MAP3K2: variants seen among roughly 807,000 people sequenced by gnomAD.
MAP3K2 encodes the protein MAP/ERK kinase kinase 2.
MAP3K2 carries 24 observed loss-of-function variants against 80.3 expected under a neutral mutation model. The ratio of observed to expected loss-of-function variants is 0.30; its 90% CI spans 0.22 to 0.42. The LOEUF (loss-of-function observed/expected upper bound fraction) is 0.42, where lower values mean the gene tolerates loss of function less well. MAP3K2 is among the 10% of genes least tolerant of loss of function. The pLI is 1.00. For missense variants in MAP3K2, 608 were observed against 750.1 expected (o/e 0.81, Z 2.21); for synonymous variants, 244 against 253.7 (o/e 0.96, Z 0.36).
chr2:127,339,334 T>A lies in MAP3K2; in HGVS notation c.5-284A>T, dbSNP rs1686433071. Among the ~76,000 whole-genome samples, 1 of 152,186 alleles carries A rather than the reference T, an allele frequency of 6.6e-6. No individual in the cohort carries two copies. The highest frequency in any genetic ancestry group is 2.4e-5 in the African/African-American group (1 of 41,448). ...CTAGAATAAGGTCAAAACTGCCCTG[T>A]TATAACAAATTCTTTTCTATGACTC... On this transcript the variant is annotated intron_variant, in intron 2 of 16. Coordinates refer to ENST00000682094, the MANE Select transcript of MAP3K2 (RefSeq NM_001371910.2). This position sits in a 1 kb window ranked among gnomAD's most constrained non-coding sequence, Gnocchi z 4.2.
chr2:127,330,476 G>A lies in MAP3K2; in HGVS notation c.294C>T (p.Asp98=). The A allele has an allele frequency of 6.2e-7, 1 of 1,604,926 alleles. No homozygotes were observed. The highest frequency in any genetic ancestry group is 8.5e-7 in the Non-Finnish European group (1 of 1,174,240). Residue 98 remains aspartate, a synonymous_variant, in exon 6 of 17, where the codon GAC becomes GAT. Coordinates refer to ENST00000682094, the MANE Select transcript of MAP3K2 (RefSeq NM_001371910.2). ...ELVIPLTTQD[D]LDKAVELLDR... ...CCAGCAGTTCCACAGCTTTGTCCAA[G>A]TCATCTTGAGTAGTTAATGGAATTA...
chr2:127,312,900 A>C (rs1352003362), intron 15 of MAP3K2, among the ~76,000 whole-genome samples: 1 of 145,402 alleles, frequency 6.9e-6, no homozygotes, highest in Non-Finnish European at 1.5e-5. Flanking sequence ...GTGGGGGCGG[A>C]GGTTGTGGTG....
At chr2:127,334,652 T>C (rs924296435) in intron 5 of MAP3K2, among the ~76,000 whole-genome samples, 4 of 152,150 alleles carry the variant, frequency 2.6e-5, no homozygotes, top group African/African-American at 4.8e-5. Flanking sequence ...CTATGTTGCC[T>C]AGGCTAGTCT....
chr2:127,329,936 G>GT lies in MAP3K2; in HGVS notation c.450dup (p.Arg151ThrfsTer9). On this transcript the variant is annotated frameshift_variant, in exon 7 of 17. Coordinates refer to ENST00000682094, the MANE Select transcript of MAP3K2 (RefSeq NM_001371910.2). LOFTEE classifies it high-confidence loss of function. ...AGTTTCTTACCTATTATAGATAGCC[G>GT]TTTTTTCCTCTCTGCTCCAAATACT... 2 of 1,599,718 alleles carry GT rather than the reference G, an allele frequency of 1.3e-6. No homozygotes were observed. Among genetic ancestry groups the GT allele is most frequent in the Non-Finnish European group, 1.7e-6 (2 of 1,168,138 alleles).
chr2:127,340,695 T>C (rs1212605893), intron 2 of MAP3K2, among the ~76,000 whole-genome samples: 1 of 151,900 alleles, frequency 6.6e-6, no homozygotes, highest in Non-Finnish European at 1.5e-5. Flanking sequence ...TCCTTAATTC[T>C]ATACTAGGGA....
chr2:127,308,274 T>C (rs1685745471), intron 16 of MAP3K2, among the ~76,000 whole-genome samples: 2 of 152,234 alleles, frequency 1.3e-5, no homozygotes. Context: ...AAAGATGAAG[T>C]ACTTTTAAAG....
chr2:127,343,827 G>A (rs1207446081), intron 1 of MAP3K2, among the ~76,000 whole-genome samples: 2 of 152,084 alleles, frequency 1.3e-5, no homozygotes, highest in Non-Finnish European at 2.9e-5. Flanking sequence ...AGACCAGCCT[G>A]TCCAACACGG....
chr2:127,364,091 A>G lies in MAP3K2; in HGVS notation c.-65-20897T>C, dbSNP rs771851405. On this transcript the variant is annotated intron_variant, in intron 1 of 16. Transcript: ENST00000682094. This position sits in a 1 kb window ranked among gnomAD's most constrained non-coding sequence, Gnocchi z 4.1. ...ACAACCATAACATAATATAGCACAC[A>G]TATGTTTCAGTCAATCTAACCTATC... is the stretch of plus-strand genomic sequence containing the variant. Among the ~76,000 whole-genome samples, 13 of 152,104 alleles carry G rather than the reference A, an allele frequency of 8.5e-5. No individual in the cohort carries two copies. The highest frequency in any genetic ancestry group is 1.3e-4 in the Admixed American group (2 of 15,278).
intron 5 of MAP3K2, 144 bp downstream of exon 5, chr2:127,335,726 G>C: frequency 2.0e-6 from 1 of 490,894 alleles, no homozygotes; most frequent in Non-Finnish European, 3.6e-6. Flanking sequence ...ATTTTAGTCA[G>C]TTAAAATTTA....
chr2:127,315,857 G>T (rs1406308496), intron 14 of MAP3K2, among the ~76,000 whole-genome samples: 1 of 152,140 alleles, frequency 6.6e-6, no homozygotes, highest in Non-Finnish European at 1.5e-5. Context: ...GGCTGAGGCG[G>T]GCAGATCACC....
chr2:127,348,152 C>A (rs1180490213), intron 1 of MAP3K2, among the ~76,000 whole-genome samples: 1 of 152,134 alleles, frequency 6.6e-6, no homozygotes, highest in Non-Finnish European at 1.5e-5. Flanking sequence ...CTTTGGGAAG[C>A]TGAGATAATT....
intron 1 of MAP3K2, among the ~76,000 whole-genome samples, chr2:127,377,497 T>G (rs1165025894): frequency 1.3e-5 from 2 of 151,978 alleles, no homozygotes; most frequent in Non-Finnish European, 2.9e-5. Flanking sequence ...TAGAGAATGA[T>G]GAATATAATG....
At chr2:127,373,482 A>AT (rs1319231252) in intron 1 of MAP3K2, among the ~76,000 whole-genome samples, 4 of 152,358 alleles carry the variant, frequency 2.6e-5, no homozygotes, top group Admixed American at 1.3e-4. Context: ...CACCCTAGGC[A>AT]TAACTACTGA....
rs1344858140 is a variant in MAP3K2 at position 127,387,551 on chromosome 2, A to T, written c.-165T>A. On this transcript the variant is annotated 5_prime_UTR_variant, in exon 1 of 17. Coordinates refer to ENST00000682094, the MANE Select transcript of MAP3K2 (RefSeq NM_001371910.2). Reference sequence around the variant, plus strand: ...CAGCGCGGCCTGTCACCGCGGCCCCAGGTCGGGGGCTGCCGCAGGGCCCCC... The same window carrying T: ...CAGCGCGGCCTGTCACCGCGGCCCCTGGTCGGGGGCTGCCGCAGGGCCCCC... 1.7e-5 allele frequency: 17 copies of T among 984,778 alleles called. No homozygotes were observed. Among genetic ancestry groups the T allele is most frequent in the Non-Finnish European group, 1.4e-5 (12 of 829,670 alleles). The allele number at this position is 984,778 out of a possible 1,614,324, so 61.0% of individuals were successfully genotyped here. A position where few individuals can be genotyped will look rare whatever the true frequency, so the allele number is the denominator to read the frequency against.
At chr2:127,324,028 TA>T (rs538193003) in intron 10 of MAP3K2, 34 bp from the exon 11 acceptor site, 3,850 of 1,088,586 alleles carry the variant, frequency 3.5e-3, no homozygotes, top group South Asian at 6.2e-3. Flanking sequence ...ATCTTTTATT[TA>T]AAAAAAAAAG....
intron 15 of MAP3K2, 57 bp from the exon 16 acceptor site, chr2:127,308,819 A>G (rs570694111): frequency 6.5e-7 from 1 of 1,529,478 alleles, no homozygotes; most frequent in East Asian, 2.3e-5. Context: ...CGAATATAGC[A>G]TAAAAGAACA....
At chr2:127,353,343 C>T (rs546491827) in intron 1 of MAP3K2, among the ~76,000 whole-genome samples, 8 of 152,066 alleles carry the variant, frequency 5.3e-5, no homozygotes, top group East Asian at 1.9e-4. Flanking sequence ...CGCCTCCGCC[C>T]GGCCGTGACC....
Position 127,387,608 on chromosome 2 carries a change from G to A in MAP3K2, c.-222C>T. The A allele has an allele frequency of 1.0e-6, 1 of 984,990 alleles. No homozygotes were observed. The highest frequency in any genetic ancestry group is 1.2e-6 in the Non-Finnish European group (1 of 829,764). The allele number at this position is 984,990 out of a possible 1,614,324, so 61.0% of individuals were successfully genotyped here. A position where few individuals can be genotyped will look rare whatever the true frequency, so the allele number is the denominator to read the frequency against. ...CGGAGGGGCGCGCGAGGAGTCGGGC[G>A]CGGGCCTTGGGGCCAGGCCCGTCCC... On this transcript the variant is annotated 5_prime_UTR_variant, in exon 1 of 17. Transcript: ENST00000682094.
In MAP3K2 at chr2:127,343,622, C is replaced by T. The variant is rs148430318; in HGVS notation, c.-65-428G>A. ...TTGGTTTAAAAAAAAAACTGCATAA[C>T]GCAATAATTATAACTGTGTTGCTGG... On this transcript the variant is annotated intron_variant, in intron 1 of 16. Coordinates refer to ENST00000682094, the MANE Select transcript of MAP3K2 (RefSeq NM_001371910.2). 2.8e-3 allele frequency among the ~76,000 whole-genome samples: 427 copies of T among 151,736 alleles called. 1 individual carries two copies. The highest frequency in any genetic ancestry group is 9.4e-3 in the African/African-American group (388 of 41,346).
Sources: allele counts gnomAD v4.1 joint callset (sites outside exome capture counted in the v4.1 genomes callset), GRCh38; gene constraint gnomAD v4.1.1; non-coding constraint Gnocchi (gnomAD v3.1); transcripts MANE v1.5; gene names NCBI Gene and HGNC (gene_info 2026-07-23, HGNC 2026-07-21).